The following DGKB variants were observed in gnomAD, a reference collection of about 807,000 sequenced individuals.
The protein encoded by DGKB is 90 kDa diacylglycerol kinase.
DGKB carries 67 observed loss-of-function variants against 114.3 expected under a neutral mutation model. That is an observed-to-expected ratio of 0.59 (90% CI 0.48 to 0.72). The LOEUF (loss-of-function observed/expected upper bound fraction) is 0.72, where lower values mean the gene tolerates loss of function less well. Ranked by LOEUF, DGKB falls within the 30% of genes least tolerant of loss-of-function variation. The probability of loss-of-function intolerance (pLI) is 0.00; values close to 1 mark genes in which losing one functional copy is unlikely to be tolerated. For synonymous variants in DGKB, 398 were observed against 323.1 expected (o/e 1.23, Z -2.49); for missense variants, 907 against 975.2 (o/e 0.93, Z 0.93).
intron 23 of DGKB, among the ~76,000 whole-genome samples, chr7:14,268,619 A>C (rs143375366): frequency 1.1e-3 from 165 of 152,306 alleles, no homozygotes; most frequent in Middle Eastern, 6.8e-3. Context: ...AATATGTTAG[A>C]AGATGTAGAT....
At chr7:14,646,409 C>T (rs1050384358) in intron 13 of DGKB, among the ~76,000 whole-genome samples, 1 of 152,030 alleles carries the variant, frequency 6.6e-6, no homozygotes, top group Non-Finnish European at 1.5e-5. Flanking sequence ...CTTCAATGCC[C>T]CACATTGAGT....
intron 2 of DGKB, among the ~76,000 whole-genome samples, chr7:14,773,565 A>T (rs1837724439): frequency 6.6e-6 from 1 of 152,104 alleles, no homozygotes; most frequent in Admixed American, 6.6e-5. Flanking sequence ...AACCAAGCAG[A>T]TGGGACAGTC....
intron 2 of DGKB, among the ~76,000 whole-genome samples, chr7:14,822,231 A>G (rs548640975): frequency 6.6e-6 from 1 of 152,266 alleles, no homozygotes; most frequent in South Asian, 2.1e-4. Context: ...TGGGTTAGAA[A>G]TATACATTTG....
chr7:14,314,206 A>G lies in DGKB; in HGVS notation c.2122+24309T>C, dbSNP rs562431155. 9.7e-4 allele frequency among the ~76,000 whole-genome samples: 148 copies of G among 152,260 alleles called. 1 individual carries two copies. The highest frequency in any genetic ancestry group is 3.3e-3 in the African/African-American group (138 of 41,528). ...AAAAAACAGAACAGAAAAACTGGAAACTCTAAAAATCAGAGCGCCTCTCCT... is the reference window on the plus strand; with the variant it reads ...AAAAAACAGAACAGAAAAACTGGAAGCTCTAAAAATCAGAGCGCCTCTCCT... On this transcript the variant is annotated intron_variant, in intron 23 of 25. Transcript: ENST00000402815.
intron 4 of DGKB, among the ~76,000 whole-genome samples, chr7:14,740,549 G>C (rs1484835639): frequency 6.6e-6 from 1 of 152,116 alleles, no homozygotes; most frequent in African/African-American, 2.4e-5. Context: ...TCAATTCCAA[G>C]CTTTGGGTTG....
At chr7:14,810,320 C>T (rs1028791172) in intron 2 of DGKB, among the ~76,000 whole-genome samples, 6 of 152,112 alleles carry the variant, frequency 3.9e-5, no homozygotes, top group Admixed American at 1.3e-4. Flanking sequence ...TATACCCAGA[C>T]TGATTGGATC....
At chr7:14,615,547 T>A (rs1316145434) in intron 15 of DGKB, among the ~76,000 whole-genome samples, 4 of 151,756 alleles carry the variant, frequency 2.6e-5, no homozygotes, top group Non-Finnish European at 2.9e-5. Context: ...TTGATGTAAT[T>A]TTTAGGGGTA....
rs7802899 is a variant in DGKB at position 14,868,784 on chromosome 7, G to A, written c.-187-27334C>T. Among the ~76,000 whole-genome samples the A allele has an allele frequency of 4.3e-3, 647 of 152,140 alleles. 6 individuals carry two copies. The highest frequency in any genetic ancestry group is 7.4e-3 in the Non-Finnish European group (505 of 68,004). On this transcript the variant is annotated intron_variant, in intron 1 of 25. Transcript: ENST00000402815. ...TTCTTAACTATAATGTGGGAAAATGGTGACTACCTCAAAGCTGAGGTGAAA... is the reference window on the plus strand; with the variant it reads ...TTCTTAACTATAATGTGGGAAAATGATGACTACCTCAAAGCTGAGGTGAAA...
In DGKB at chr7:14,607,013, A is replaced by T. The variant is rs374835131; in HGVS notation, c.1433+421T>A. Among the ~76,000 whole-genome samples, 6 of 152,116 alleles carry T rather than the reference A, an allele frequency of 3.9e-5. No homozygotes were observed. In the South Asian group the frequency reaches 8.3e-4, roughly 21 times the overall value. On this transcript the variant is annotated intron_variant, in intron 17 of 25. Transcript: ENST00000402815. The stretch of plus-strand genomic sequence containing the variant: ...TAACTCCTACATGCTTAGTGTTCCA[A>T]TAATGGAACACTAGGCATAAATGGA...
At chr7:14,590,071 T>G (rs1801443518) in intron 17 of DGKB, among the ~76,000 whole-genome samples, 1 of 151,248 alleles carries the variant, frequency 6.6e-6, no homozygotes, top group Admixed American at 6.6e-5. Flanking sequence ...GATGACACGT[T>G]AGTGGGTGCA....
chr7:14,595,001 G>C (rs1158655471), intron 17 of DGKB, among the ~76,000 whole-genome samples: 1 of 152,070 alleles, frequency 6.6e-6, no homozygotes, highest in African/African-American at 2.4e-5. Context: ...GCTTAACTGA[G>C]AAGGCAGACA....
chr7:14,709,118 A>C (rs1002819245), intron 6 of DGKB, among the ~76,000 whole-genome samples: 4 of 150,676 alleles, frequency 2.7e-5, no homozygotes, highest in African/African-American at 9.8e-5. Flanking sequence ...CAAATTTACA[A>C]GAAAAAATCA....
chr7:14,212,073 ACTCTCATGTTTTGTGAT>A (rs1788051676), intron 23 of DGKB, among the ~76,000 whole-genome samples: 1 of 13,556 alleles, frequency 7.4e-5, no homozygotes. Context: ...TTGTGATTTT[ACTCTCATGTTTTGTGAT>A]TTTACTCTCA....
intron 25 of DGKB, among the ~76,000 whole-genome samples, chr7:14,152,859 C>A (rs1318995430): frequency 6.6e-6 from 1 of 152,032 alleles, no homozygotes; most frequent in Non-Finnish European, 1.5e-5. Flanking sequence ...TAAAAAATAA[C>A]GTTGATCTGG....
chr7:14,613,944 A>G (rs1182280852), intron 15 of DGKB, among the ~76,000 whole-genome samples: 1 of 152,128 alleles, frequency 6.6e-6, no homozygotes, highest in Non-Finnish European at 1.5e-5. Context: ...GTCCTTATCT[A>G]CACAATTTGT....
At chr7:14,328,484 T>C (rs1182911145) in intron 23 of DGKB, among the ~76,000 whole-genome samples, 2 of 152,016 alleles carry the variant, frequency 1.3e-5, no homozygotes, top group Admixed American at 6.6e-5. Flanking sequence ...AACTCTGAAA[T>C]GAACAGCTGC....
At chr7:14,164,037 C>G (rs967352718) in intron 25 of DGKB, among the ~76,000 whole-genome samples, 1 of 151,736 alleles carries the variant, frequency 6.6e-6, no homozygotes. Context: ...AATAAAAAAC[C>G]TCACCACCAC....
intron 23 of DGKB, among the ~76,000 whole-genome samples, chr7:14,334,834 C>T (rs1024253138): frequency 6.6e-6 from 1 of 152,006 alleles, no homozygotes; most frequent in Admixed American, 6.6e-5. Context: ...TGGGAAAGGT[C>T]GAATATTAAC....
At chr7:14,800,278 G>C (rs912834296) in intron 2 of DGKB, among the ~76,000 whole-genome samples, 3 of 152,218 alleles carry the variant, frequency 2.0e-5, no homozygotes, top group South Asian at 4.1e-4. Flanking sequence ...GGTTACTACC[G>C]AGTGTCAACT....
Sources: allele counts gnomAD v4.1 joint callset (sites outside exome capture counted in the v4.1 genomes callset), GRCh38; gene constraint gnomAD v4.1.1; transcripts MANE v1.5; gene names NCBI Gene and HGNC (gene_info 2026-07-23, HGNC 2026-07-21).